Variants in RHOBTB2 observed in about 807,000 individuals in gnomAD.
RHOBTB2 encodes rho-related BTB domain-containing protein 2.
In RHOBTB2, 39 loss-of-function variants were observed where a neutral mutation model predicts 66.5. That is an observed-to-expected ratio of 0.59 (90% CI 0.45 to 0.77). The LOEUF (loss-of-function observed/expected upper bound fraction) is 0.77. Ranked by LOEUF, RHOBTB2 falls within the 30% of genes least tolerant of loss-of-function variation. The probability of loss-of-function intolerance (pLI) is 0.00; values close to 1 mark genes in which losing one functional copy is unlikely to be tolerated. For synonymous variants in RHOBTB2, 390 were observed against 395.0 expected, an observed-to-expected ratio of 0.99 and a Z score of 0.15; for missense variants, 755 against 999.1, an observed-to-expected ratio of 0.76 and a Z score of 3.29.
chr8:22,997,395 C>G (rs114864200), upstream of RHOBTB2, among the ~76,000 whole-genome samples: 2 of 152,280 alleles, frequency 1.3e-5, no homozygotes, highest in East Asian at 1.9e-4. Flanking sequence ...ATTGAGGGAA[C>G]CTCCCCAGCA....
the RHOBTB2 span, among the ~76,000 whole-genome samples, chr8:22,972,060 T>G: frequency 1.3e-5 from 2 of 152,168 alleles, no homozygotes; most frequent in Non-Finnish European, 1.5e-5. Context: ...GTTCTCAGTT[T>G]CAATGGACCA....
At chr8:22,981,779 T>C in the RHOBTB2 span, among the ~76,000 whole-genome samples, 1 of 152,204 alleles carries the variant, frequency 6.6e-6, no homozygotes, top group African/African-American at 2.4e-5. Context: ...CACTCCTGGC[T>C]GGCATACTCT....
intron 6 of RHOBTB2, among the ~76,000 whole-genome samples, chr8:23,009,170 A>AAGAGAG (rs71206558): frequency 0.47 from 64,450 of 137,928 alleles, 15,464 homozygotes; most frequent in Middle Eastern, 0.53. Context: ...AAAAGAAAAA[A>AAGAGAG]AGAGAGAGAG....
chr8:23,001,129 G>A (rs1810766217), intron 1 of RHOBTB2, among the ~76,000 whole-genome samples: 1 of 152,214 alleles, frequency 6.6e-6, no homozygotes, highest in African/African-American at 2.4e-5. Context: ...GGGGCACAGG[G>A]ATCATGGGAC....
chr8:23,007,332 C>T lies in RHOBTB2; in HGVS notation c.1087C>T (p.Arg363Cys), dbSNP rs757015873. ...TGGGGGCTCCGGTCCTGCTGGCCTC[C>T]GTGCTTCCACCAGCGACGGGATCTT... is the stretch of plus-strand genomic sequence containing the variant. The part of the protein sequence containing the change: ...EAGGSGPAGL[R>C]ASTSDGILRG... Residue 363 changes from arginine to cysteine, a missense_variant, in exon 5 of 10, where the codon CGT becomes TGT. Physicochemically the swap from Arg to Cys is radical, Grantham distance 180. Around this residue, in one of 7 missense-constraint regions of RHOBTB2, gnomAD observed 247 missense variants for 238.9 expected, o/e 1.03. Transcript: ENST00000251822. 42 of 1,613,504 alleles carry T rather than the reference C, an allele frequency of 2.6e-5. No homozygotes were observed. The highest frequency in any genetic ancestry group is 7.7e-5 in the South Asian group (7 of 91,044).
chr8:22,961,953 A>C, the RHOBTB2 span, among the ~76,000 whole-genome samples: 6 of 151,780 alleles, frequency 4.0e-5, no homozygotes, highest in Non-Finnish European at 7.4e-5. Flanking sequence ...GATACATTTG[A>C]AAAAAAATAG....
At chr8:22,962,708 G>C in the RHOBTB2 span, among the ~76,000 whole-genome samples, 6 of 152,222 alleles carry the variant, frequency 3.9e-5, no homozygotes, top group Non-Finnish European at 8.8e-5. Context: ...GACGTAGAGA[G>C]ACATCAGACA....
chr8:22,987,152 G>C (rs1395571592), upstream of RHOBTB2, among the ~76,000 whole-genome samples: 1 of 152,270 alleles, frequency 6.6e-6, no homozygotes, highest in South Asian at 2.1e-4. Context: ...GTCACCAGGG[G>C]CTGAGAAGAA....
At chr8:22,984,606 A>G (rs1810260610), upstream of RHOBTB2, 1 of 152,154 alleles carries the variant, frequency 6.6e-6, no homozygotes, top group African/African-American at 2.4e-5. Context: ...CCTGATCATG[A>G]TGTAGTATTG....
chr8:22,971,175 T>C, the RHOBTB2 span, among the ~76,000 whole-genome samples: 81 of 130,782 alleles, frequency 6.2e-4, no homozygotes, highest in African/African-American at 2.3e-3. Context: ...TCTCTTTCCC[T>C]TTTTCCTTTT....
At chr8:22,955,767 A>G in the RHOBTB2 span, among the ~76,000 whole-genome samples, 1 of 152,008 alleles carries the variant, frequency 6.6e-6, no homozygotes, top group Non-Finnish European at 1.5e-5. Context: ...ATGCGGTCTC[A>G]TTATGTTGGC....
intron 1 of RHOBTB2, among the ~76,000 whole-genome samples, chr8:23,003,816 C>A (rs1810860708): frequency 6.6e-6 from 1 of 152,226 alleles, no homozygotes; most frequent in African/African-American, 2.4e-5. Flanking sequence ...ACTCTTGCAT[C>A]TCCATAAAGG....
chr8:23,011,249 G>A (rs907457357), intron 7 of RHOBTB2, among the ~76,000 whole-genome samples: 7 of 152,142 alleles, frequency 4.6e-5, no homozygotes, highest in Non-Finnish European at 7.4e-5. Context: ...GTGAAACTGT[G>A]TCTCAAAAAC....
chr8:23,005,997 C>G lies in RHOBTB2; in HGVS notation c.334C>G (p.Pro112Ala), dbSNP rs1810936968. 1.9e-6 allele frequency: 3 copies of G among 1,613,886 alleles called. No individual in the cohort carries two copies. The highest frequency in any genetic ancestry group is 1.7e-5 in the Admixed American group (1 of 59,984). Residue 112 changes from proline (P) to alanine (A), a missense_variant, in exon 4 of 10, where the codon CCC becomes GCC. Pro to Ala is a conservative substitution (Grantham distance 27). This residue lies in a region of RHOBTB2 where 33 missense variants were observed against 36.0 expected (regional missense o/e 0.92). Coordinates refer to ENST00000251822, the MANE Select transcript of RHOBTB2 (RefSeq NM_015178.3). ...GGTTCTGTGCTTCTCCATTGCCAACCCCAATTCCCTCCACCATGTCAAGAC... is the reference window on the plus strand; with the variant it reads ...GGTTCTGTGCTTCTCCATTGCCAACGCCAATTCCCTCCACCATGTCAAGAC... ...VVVLCFSIAN[P>A]NSLHHVKTMW...
upstream of RHOBTB2, among the ~76,000 whole-genome samples, chr8:22,983,695 T>C (rs1810248553): frequency 6.6e-6 from 1 of 152,130 alleles, no homozygotes; most frequent in African/African-American, 2.4e-5. Context: ...AATAACTGGT[T>C]TCACATACTT....
chr8:22,977,052 C>T, the RHOBTB2 span, among the ~76,000 whole-genome samples: 3 of 152,042 alleles, frequency 2.0e-5, no homozygotes, highest in Non-Finnish European at 2.9e-5. Context: ...TCCAGGAGTT[C>T]GAGACCAGCC....
rs115994701 is a variant in RHOBTB2 at position 23,015,602 on chromosome 8, G to T, written c.1861-36G>T. The stretch of plus-strand genomic sequence containing the variant: ...GTCTATGCAGACCCTCTCCCCTGGG[G>T]ATTTCAGTACAGACGTTCTTCCCTT... On this transcript the variant is annotated intron_variant, in intron 8 of 9. Coordinates refer to ENST00000251822, the MANE Select transcript of RHOBTB2 (RefSeq NM_015178.3). 8.5e-4 allele frequency: 1,252 copies of T among 1,474,066 alleles called. 8 individuals carry two copies. In the African/African-American group the frequency reaches 0.015, roughly 18 times the overall value. 91.3% of individuals were successfully genotyped at this position (1,474,066 alleles called of 1,614,324 possible).
chr8:22,990,714 G>A (rs947607729), intron 1 of RHOBTB2, among the ~76,000 whole-genome samples: 10 of 152,200 alleles, frequency 6.6e-5, no homozygotes, highest in African/African-American at 2.4e-4. Context: ...CGTGTGTTTA[G>A]TGGCTTTTGA....
intron 7 of RHOBTB2, among the ~76,000 whole-genome samples, chr8:23,011,245 C>T (rs914737709): frequency 3.3e-5 from 5 of 152,194 alleles, no homozygotes; most frequent in African/African-American, 1.2e-4. Flanking sequence ...CAGAGTGAAA[C>T]TGTGTCTCAA....
Sources: gnomAD v4.1 joint callset for allele counts (sites outside exome capture counted in the v4.1 genomes callset) on GRCh38, gnomAD v4.1.1 for gene constraint, gnomAD v4.1.1 regional missense constraint, MANE v1.5 for transcripts, NCBI Gene and HGNC (gene_info 2026-07-23, HGNC 2026-07-21) for gene names.